The following LHFPL2 variants were observed in gnomAD, a reference collection of about 807,000 sequenced individuals.
LHFPL2 encodes LHFPL tetraspan subfamily member 2 protein.
Under a neutral mutation model 17.5 loss-of-function variants are expected in LHFPL2, and 7 were observed. The ratio of observed to expected loss-of-function variants is 0.40; its 90% CI spans 0.23 to 0.75. The LOEUF is 0.75. Ranked by LOEUF, LHFPL2 falls within the 30% of genes least tolerant of loss-of-function variation. LHFPL2 has a pLI of 0.37. For missense variants in LHFPL2, 241 were observed against 294.8 expected, an observed-to-expected ratio of 0.82 and a Z score of 1.34; for synonymous variants, 134 against 116.2, an observed-to-expected ratio of 1.15 and a Z score of -0.99.
intron 1 of LHFPL2, among the ~76,000 whole-genome samples, chr5:78,641,492 T>A (rs1361675968): frequency 6.6e-6 from 1 of 151,956 alleles, no homozygotes; most frequent in African/African-American, 2.4e-5. Flanking sequence ...CCTTGCTTAT[T>A]TTTTTTTAAG....
intron 4 of LHFPL2, among the ~76,000 whole-genome samples, chr5:78,505,024 C>G (rs1200138935): frequency 1.3e-5 from 2 of 152,222 alleles, no homozygotes; most frequent in Admixed American, 1.3e-4. Flanking sequence ...ATAGGCCCAG[C>G]CAGCACAAGT....
At chr5:78,505,941 G>A (rs1036632197) in intron 4 of LHFPL2, among the ~76,000 whole-genome samples, 3 of 152,234 alleles carry the variant, frequency 2.0e-5, no homozygotes, top group Non-Finnish European at 2.9e-5. Context: ...AAATTGGTCC[G>A]TGTTTCACAG....
chr5:78,579,006 T>C (rs1257653961), intron 2 of LHFPL2, among the ~76,000 whole-genome samples: 6 of 152,182 alleles, frequency 3.9e-5, no homozygotes, highest in Non-Finnish European at 7.4e-5. Context: ...GTGGTTGAGG[T>C]AGGCCCTTCT....
chr5:78,644,896 T>G (rs1180552665), intron 1 of LHFPL2: 1 of 161,812 alleles, frequency 6.2e-6, no homozygotes, highest in Non-Finnish European at 1.3e-5. Context: ...AGTGCCTGTC[T>G]GGCTCTCACT....
chr5:78,498,402 T>C (rs1754674019), intron 4 of LHFPL2, among the ~76,000 whole-genome samples: 2 of 152,242 alleles, frequency 1.3e-5, no homozygotes, highest in Non-Finnish European at 1.5e-5. Context: ...TGCTTCCCTC[T>C]GTTTTCTACG....
At chr5:78,583,633 G>A (rs1487320662) in intron 2 of LHFPL2, among the ~76,000 whole-genome samples, 8 of 145,266 alleles carry the variant, frequency 5.5e-5, no homozygotes, top group East Asian at 4.2e-4. Context: ...TGGCTTGTAG[G>A]GTTTCTGCCA....
At chr5:78,531,018 A>C (rs1489311689) in intron 3 of LHFPL2, among the ~76,000 whole-genome samples, 2 of 152,236 alleles carry the variant, frequency 1.3e-5, no homozygotes, top group Non-Finnish European at 2.9e-5. Context: ...CAGGCCTGGC[A>C]TAGAGTAGGA....
intron 3 of LHFPL2, among the ~76,000 whole-genome samples, chr5:78,547,045 G>A (rs1347734357): frequency 1.3e-5 from 2 of 151,826 alleles, no homozygotes; most frequent in African/African-American, 2.4e-5. Flanking sequence ...GGGTTGAGGA[G>A]GGTCCCCTTG....
intron 3 of LHFPL2, among the ~76,000 whole-genome samples, chr5:78,560,370 T>A (rs1007290388): frequency 1.3e-5 from 2 of 152,234 alleles, no homozygotes; most frequent in Non-Finnish European, 2.9e-5. Flanking sequence ...TCTCCATATT[T>A]CTGGTACCAT....
At chr5:78,490,323 T>TGCA (rs909703778) in intron 4 of LHFPL2, among the ~76,000 whole-genome samples, 10 of 152,278 alleles carry the variant, frequency 6.6e-5, no homozygotes, top group Admixed American at 6.5e-4. Context: ...GCCCTGTGCC[T>TGCA]GCAGTGGGTG....
chr5:78,561,436 G>C (rs890533633), intron 3 of LHFPL2, among the ~76,000 whole-genome samples: 1 of 152,214 alleles, frequency 6.6e-6, no homozygotes, highest in Non-Finnish European at 1.5e-5. Context: ...GATGGGAAGA[G>C]ACCTGTCCCC....
intron 2 of LHFPL2, among the ~76,000 whole-genome samples, chr5:78,616,540 T>C (rs1027183734): frequency 2.6e-5 from 4 of 152,198 alleles, no homozygotes; most frequent in African/African-American, 4.8e-5. Context: ...ATATCCAGAT[T>C]TCAGAATACT....
At chr5:78,630,981 T>C (rs1745222452) in intron 2 of LHFPL2, among the ~76,000 whole-genome samples, 1 of 152,164 alleles carries the variant, frequency 6.6e-6, no homozygotes, top group Admixed American at 6.5e-5. Flanking sequence ...TGAGGGTTTC[T>C]ACTCCCAACC....
intron 4 of LHFPL2, among the ~76,000 whole-genome samples, chr5:78,500,753 A>G (rs1754748849): frequency 6.6e-6 from 1 of 152,140 alleles, no homozygotes; most frequent in Non-Finnish European, 1.5e-5. Flanking sequence ...ACCTTTGCCC[A>G]TTAAGGTTCT....
At chr5:78,538,010 T>C (rs1023685118) in intron 3 of LHFPL2, among the ~76,000 whole-genome samples, 5 of 152,180 alleles carry the variant, frequency 3.3e-5, no homozygotes, top group Non-Finnish European at 5.9e-5. Context: ...ATGGCACTAC[T>C]TCATCACAGT....
At chr5:78,636,222 C>T (rs17391252) in intron 1 of LHFPL2, among the ~76,000 whole-genome samples, 46,170 of 152,092 alleles carry the variant, frequency 0.3, 7,298 homozygotes, top group Middle Eastern at 0.37. Context: ...TCCTGAGAAG[C>T]ATTCTATTAA....
intron 2 of LHFPL2, among the ~76,000 whole-genome samples, chr5:78,597,179 C>A (rs1362200822): frequency 6.6e-6 from 1 of 152,126 alleles, no homozygotes; most frequent in East Asian, 1.9e-4. Flanking sequence ...ACGAGCGAGG[C>A]GCCAAGAGAG....
chr5:78,616,829 G>A (rs1489549162), intron 2 of LHFPL2, among the ~76,000 whole-genome samples: 1 of 152,122 alleles, frequency 6.6e-6, no homozygotes, highest in African/African-American at 2.4e-5. Context: ...TTGCATTTCG[G>A]CAGAGATCTG....
chr5:78,617,756 T>A (rs933722567), intron 2 of LHFPL2, among the ~76,000 whole-genome samples: 3 of 152,192 alleles, frequency 2.0e-5, no homozygotes, highest in African/African-American at 7.2e-5. Flanking sequence ...ACTCTCCAGA[T>A]TAAACAGAAC....
Sources: allele counts gnomAD v4.1 joint callset (sites outside exome capture counted in the v4.1 genomes callset), GRCh38; gene constraint gnomAD v4.1.1; transcripts MANE v1.5; gene names NCBI Gene and HGNC (gene_info 2026-07-23, HGNC 2026-07-21).